Variants in TENM3 observed in about 807,000 individuals in gnomAD.
TENM3 encodes teneurin transmembrane protein 3, also known as teneurin-3.
Under a neutral mutation model 255.1 loss-of-function variants are expected in TENM3, and 63 were observed. The ratio of observed to expected loss-of-function variants is 0.25; its 90% CI spans 0.20 to 0.30. The LOEUF is 0.30. Ranked by LOEUF, TENM3 falls within the 10% of genes least tolerant of loss-of-function variation. TENM3 has a pLI of 1.00. For synonymous variants in TENM3, 1,306 were observed against 1,322.3 expected (o/e 0.99, Z 0.27); for missense variants, 2,929 against 3,461.1 (o/e 0.85, Z 3.86).
At chr4:181,562,459 A>G in the TENM3 span, among the ~76,000 whole-genome samples, 1 of 152,332 alleles carries the variant, frequency 6.6e-6, no homozygotes, top group African/African-American at 2.4e-5. Context: ...TCTCTCACAC[A>G]TAATATTCTA....
intron 22 of TENM3, among the ~76,000 whole-genome samples, chr4:182,763,286 G>A (rs1763365097): frequency 6.6e-6 from 1 of 152,206 alleles, no homozygotes; most frequent in South Asian, 2.1e-4. Flanking sequence ...GATGGGGGCG[G>A]GCGCGGTGGC....
the TENM3 span, among the ~76,000 whole-genome samples, chr4:181,630,236 T>G: frequency 0.066 from 10,091 of 152,250 alleles, 449 homozygotes; most frequent in East Asian, 0.14. Context: ...CTTTACATCT[T>G]TATTAATCTT....
Position 182,600,986 on chromosome 4 carries a change from C to T in TENM3, c.574C>T (p.His192Tyr), listed in dbSNP as rs1747786459. 1 of 1,607,970 alleles carries T rather than the reference C, an allele frequency of 6.2e-7. No individual in the cohort carries two copies. The highest frequency in any genetic ancestry group is 1.4e-5 in the African/African-American group (1 of 73,334). ...GCCCTTGCCGCCTTCCCATAAGCAG[C>T]ACTCTGCACAGCATCATCCATCCAT... The part of the protein sequence containing the change: ...LQPLPPSHKQ[H>Y]SAQHHPSITS... The change falls in exon 4 of 28, where the codon CAC (histidine) becomes TAC (tyrosine). Residue 192 changes from histidine to tyrosine, a missense_variant. His to Tyr is a moderately conservative substitution (Grantham distance 83). Coordinates refer to ENST00000511685, the MANE Select transcript of TENM3 (RefSeq NM_001080477.4).
intron 4 of TENM3, 115 bp downstream of exon 4, chr4:182,601,276 T>C: frequency 1.2e-6 from 1 of 846,928 alleles, no homozygotes; most frequent in Non-Finnish European, 1.8e-6. Flanking sequence ...TTGTGTTTTC[T>C]TTTTTCTTCT....
chr4:182,163,258 A>G (rs1751478542), intron 1 of TENM3, among the ~76,000 whole-genome samples: 2 of 151,392 alleles, frequency 1.3e-5, no homozygotes, highest in South Asian at 2.1e-4. Flanking sequence ...TCTCCAATCC[A>G]TTTTTCTAGA....
chr4:181,699,836 AGG>A, the TENM3 span, among the ~76,000 whole-genome samples: 2 of 152,246 alleles, frequency 1.3e-5, no homozygotes, highest in Non-Finnish European at 2.9e-5. Flanking sequence ...AATTAACGAA[AGG>A]CTGCCTAACT....
chr4:181,478,622 G>A, the TENM3 span, among the ~76,000 whole-genome samples: 50 of 152,174 alleles, frequency 3.3e-4, no homozygotes, highest in Middle Eastern at 3.4e-3. Flanking sequence ...GATCTTCAAG[G>A]AATTTATTAA....
the TENM3 span, among the ~76,000 whole-genome samples, chr4:181,780,533 T>A: frequency 2.6e-5 from 4 of 152,246 alleles, no homozygotes; most frequent in Non-Finnish European, 5.9e-5. Context: ...ATTCTGGATA[T>A]TAGCACTTTG....
intron 1 of TENM3, among the ~76,000 whole-genome samples, chr4:182,318,548 G>T (rs1486917485): frequency 2.0e-5 from 3 of 152,092 alleles, no homozygotes; most frequent in Non-Finnish European, 4.4e-5. Flanking sequence ...TGTCCATAAG[G>T]CAGGGATTGC....
At chr4:181,837,846 A>G in the TENM3 span, among the ~76,000 whole-genome samples, 1 of 152,192 alleles carries the variant, frequency 6.6e-6, no homozygotes, top group Non-Finnish European at 1.5e-5. Context: ...AACCAGTATA[A>G]GAAAACCTTA....
intron 3 of TENM3, among the ~76,000 whole-genome samples, chr4:182,405,537 A>G (rs1769508012): frequency 6.6e-6 from 1 of 152,224 alleles, no homozygotes; most frequent in African/African-American, 2.4e-5. Context: ...AAGAATTAAC[A>G]AAGAATTTGA....
the TENM3 span, among the ~76,000 whole-genome samples, chr4:181,772,283 C>T: frequency 4.1e-4 from 62 of 151,804 alleles, 2 homozygotes; most frequent in Middle Eastern, 3.4e-3. Context: ...GAGGCTGAGG[C>T]GGGAGAATTG....
the TENM3 span, among the ~76,000 whole-genome samples, chr4:181,591,100 C>T: frequency 6.6e-6 from 1 of 152,158 alleles, no homozygotes; most frequent in African/African-American, 2.4e-5. Flanking sequence ...TGTTGGAACA[C>T]CAAAGGTTCA....
In TENM3 at chr4:182,743,386, C is replaced by T; in HGVS notation, c.3596C>T (p.Pro1199Leu). 2 of 1,613,880 alleles carry T rather than the reference C, an allele frequency of 1.2e-6. No individual in the cohort carries two copies. Among genetic ancestry groups the T allele is most frequent in the Non-Finnish European group, 1.7e-6 (2 of 1,179,828 alleles). The change falls in exon 19 of 28, where the codon CCT (proline) becomes CTT (leucine). Residue 1199 changes from proline (P) to leucine (L), a missense_variant. This residue lies in a region of TENM3 where 1,608 missense variants were observed against 1,884.4 expected (regional missense o/e 0.85). Coordinates refer to ENST00000511685, the MANE Select transcript of TENM3 (RefSeq NM_001080477.4). ...GDFNYVRRIFPSGNVTSVLEL... is the reference protein window; with the variant it reads ...GDFNYVRRIFLSGNVTSVLEL... ...TTCAACTATGTGCGGCGGATATTCC[C>T]TTCTGGAAATGTAACAAGTGTCTTA...
At chr4:182,169,104 C>CAT (rs1554025014) in intron 1 of TENM3, among the ~76,000 whole-genome samples, 18 of 151,392 alleles carry the variant, frequency 1.2e-4, no homozygotes, top group Non-Finnish European at 2.4e-4. Context: ...CACACACACA[C>CAT]GTGGGTGTGA....
intron 7 of TENM3, 70 bp downstream of exon 7, chr4:182,673,289 T>G (rs1755380876): frequency 4.6e-6 from 5 of 1,088,294 alleles, no homozygotes; most frequent in Non-Finnish European, 6.6e-6. Flanking sequence ...TTCTCTTTCT[T>G]AAGCTCAGCT....
the TENM3 span, among the ~76,000 whole-genome samples, chr4:181,703,004 A>G: frequency 4.2e-4 from 64 of 152,164 alleles, no homozygotes; most frequent in African/African-American, 1.5e-3. Flanking sequence ...CCTTGCAACA[A>G]TAGATAAGGT....
At chr4:181,484,837 T>C in the TENM3 span, among the ~76,000 whole-genome samples, 4,806 of 152,254 alleles carry the variant, frequency 0.032, 242 homozygotes, top group African/African-American at 0.11. Context: ...CCTAATTTTA[T>C]GTAAGGCCGG....
At chr4:181,846,761 G>T in the TENM3 span, among the ~76,000 whole-genome samples, 5 of 152,102 alleles carry the variant, frequency 3.3e-5, no homozygotes, top group Admixed American at 2.6e-4. Flanking sequence ...AAATACTGGA[G>T]AGAAACCCCA....
Sources: gnomAD v4.1 joint callset for allele counts (sites outside exome capture counted in the v4.1 genomes callset) on GRCh38, gnomAD v4.1.1 for gene constraint, gnomAD v4.1.1 regional missense constraint, MANE v1.5 for transcripts, NCBI Gene and HGNC (gene_info 2026-07-23, HGNC 2026-07-21) for gene names.